The following LRP1B variants were observed in gnomAD, a reference collection of about 807,000 sequenced individuals.
The protein encoded by LRP1B is low-density lipoprotein receptor-related protein 1B.
In LRP1B, 217 loss-of-function variants were observed where a neutral mutation model predicts 556.6. The observed-to-expected ratio is 0.39, with a 90% CI of 0.35 to 0.44. LRP1B has a LOEUF of 0.44. Among genes scored for constraint, LRP1B ranks in the 20% least tolerant of loss-of-function variants. The pLI is 1.00. For synonymous variants in LRP1B, 2,047 were observed against 1,865.8 expected (o/e 1.10, Z -2.50); for missense variants, 5,053 against 5,620.8 (o/e 0.90, Z 3.23).
intron 2 of LRP1B, among the ~76,000 whole-genome samples, chr2:141,684,471 G>A (rs777450372): frequency 6.6e-6 from 1 of 151,992 alleles, no homozygotes; most frequent in African/African-American, 2.4e-5. Flanking sequence ...GGGGACTAGA[G>A]GAAGGATAGC....
At chr2:141,416,684 A>C (rs1019139701) in intron 3 of LRP1B, among the ~76,000 whole-genome samples, 2 of 151,994 alleles carry the variant, frequency 1.3e-5, no homozygotes, top group African/African-American at 4.8e-5. Context: ...TGAACTCCTG[A>C]CCTCAAATGA....
intron 3 of LRP1B, among the ~76,000 whole-genome samples, chr2:141,380,861 T>A (rs1689613995): frequency 1.3e-5 from 2 of 152,122 alleles, no homozygotes; most frequent in South Asian, 4.1e-4. Context: ...CAAGTAAGAT[T>A]GCAGATGGTG....
chr2:141,584,658 C>T (rs2105284763), intron 2 of LRP1B, among the ~76,000 whole-genome samples: 1 of 152,248 alleles, frequency 6.6e-6, no homozygotes, highest in Non-Finnish European at 1.5e-5. Flanking sequence ...ACACACACAA[C>T]TATCATGAAG....
intron 1 of LRP1B, among the ~76,000 whole-genome samples, chr2:141,812,783 T>C (rs1696401159): frequency 6.6e-6 from 1 of 152,064 alleles, no homozygotes; most frequent in Non-Finnish European, 1.5e-5. Flanking sequence ...ATGATTTGAC[T>C]AAGGTAATGG....
chr2:140,263,118 C>T lies in LRP1B; in HGVS notation c.13247+7124G>A, dbSNP rs575006064. On this transcript the variant is annotated intron_variant, in intron 86 of 90. Coordinates refer to ENST00000389484, the MANE Select transcript of LRP1B (RefSeq NM_018557.3). The stretch of plus-strand genomic sequence containing the variant: ...TTGGTAGAGATGGACCAACTTTTGC[C>T]ATTTTCCTCAGGCTGGGCCCGAACT... 6.0e-4 allele frequency among the ~76,000 whole-genome samples: 91 copies of T among 152,112 alleles called. 2 individuals carry two copies. The South Asian group carries it at 7.3e-3, about 12-fold the overall frequency.
intron 4 of LRP1B, among the ~76,000 whole-genome samples, chr2:141,247,835 A>AT (rs1166930381): frequency 9.9e-5 from 15 of 152,284 alleles, no homozygotes; most frequent in African/African-American, 3.1e-4. Context: ...AAAAATAAAG[A>AT]TTTTGTCTTA....
chr2:140,474,416 T>C (rs1051677973), intron 60 of LRP1B, among the ~76,000 whole-genome samples: 2 of 151,878 alleles, frequency 1.3e-5, no homozygotes, highest in Non-Finnish European at 3.0e-5. Context: ...CAGACTTTAT[T>C]TGGGACCTCG....
chr2:141,158,692 C>T (rs1263582563), intron 7 of LRP1B, among the ~76,000 whole-genome samples: 7 of 152,104 alleles, frequency 4.6e-5, no homozygotes. Flanking sequence ...GTATACATTT[C>T]CCTTTAGGCC....
At chr2:141,863,685 T>A (rs1698321021) in intron 1 of LRP1B, among the ~76,000 whole-genome samples, 1 of 152,206 alleles carries the variant, frequency 6.6e-6, no homozygotes, top group East Asian at 1.9e-4. Flanking sequence ...ATTTAATGGA[T>A]GATGAAACCA....
At chr2:141,388,119 G>C (rs1288513878) in intron 3 of LRP1B, among the ~76,000 whole-genome samples, 5 of 152,294 alleles carry the variant, frequency 3.3e-5, no homozygotes, top group South Asian at 2.1e-4. Context: ...AAAAGCACTT[G>C]TCAAAATCAC....
intron 79 of LRP1B, among the ~76,000 whole-genome samples, chr2:140,329,704 G>T (rs538144549): frequency 6.6e-6 from 1 of 151,914 alleles, no homozygotes; most frequent in African/African-American, 2.4e-5. Context: ...TGAAGGACCT[G>T]TTCAAGGAGA....
chr2:142,031,326 A>ATTTT (rs1703686831), intron 1 of LRP1B, among the ~76,000 whole-genome samples: 1 of 51,334 alleles, frequency 1.9e-5, no homozygotes, highest in Non-Finnish European at 4.9e-5. Flanking sequence ...GGTTGATTAT[A>ATTTT]CTTATTTTTT....
At chr2:140,415,750 C>A (rs909779489) in intron 66 of LRP1B, among the ~76,000 whole-genome samples, 2 of 151,930 alleles carry the variant, frequency 1.3e-5, no homozygotes, top group African/African-American at 4.8e-5. Flanking sequence ...GTCCATGTTT[C>A]CCCTGGTTCT....
At chr2:140,281,308 T>C (rs1682903639) in intron 84 of LRP1B, among the ~76,000 whole-genome samples, 1 of 151,974 alleles carries the variant, frequency 6.6e-6, no homozygotes, top group Non-Finnish European at 1.5e-5. Flanking sequence ...TCCCTAATAT[T>C]TTTCTATAGA....
intron 6 of LRP1B, among the ~76,000 whole-genome samples, chr2:141,190,473 G>C (rs1423931168): frequency 6.6e-6 from 1 of 151,928 alleles, no homozygotes; most frequent in East Asian, 1.9e-4. Flanking sequence ...ATGTTAATTT[G>C]TAGATACTTC....
intron 45 of LRP1B, among the ~76,000 whole-genome samples, chr2:140,537,825 G>A (rs1679980156): frequency 6.6e-6 from 1 of 152,074 alleles, no homozygotes; most frequent in Admixed American, 6.6e-5. Context: ...TCCTTATAAT[G>A]GCAATATGTG....
intron 3 of LRP1B, among the ~76,000 whole-genome samples, chr2:141,312,117 G>C (rs1234837581): frequency 6.6e-6 from 1 of 152,154 alleles, no homozygotes; most frequent in Non-Finnish European, 1.5e-5. Flanking sequence ...ACCATACAAA[G>C]ATTTTGTTTT....
intron 3 of LRP1B, among the ~76,000 whole-genome samples, chr2:141,384,908 A>G (rs1451977832): frequency 2.0e-5 from 3 of 152,124 alleles, no homozygotes; most frequent in African/African-American, 4.8e-5. Flanking sequence ...CATCTGCCCT[A>G]AGAACAAAGA....
At chr2:141,778,748 A>T (rs12474491) in intron 2 of LRP1B, among the ~76,000 whole-genome samples, 75,483 of 152,126 alleles carry the variant, frequency 0.5, 19,033 homozygotes, top group East Asian at 0.57. Flanking sequence ...TTGCTCTAGC[A>T]GCCTTTGAGA....
Sources: gnomAD v4.1 joint callset for allele counts (sites outside exome capture counted in the v4.1 genomes callset) on GRCh38, gnomAD v4.1.1 for gene constraint, MANE v1.5 for transcripts, NCBI Gene and HGNC (gene_info 2026-07-23, HGNC 2026-07-21) for gene names.